RHBDD1: variants seen among roughly 807,000 people sequenced by gnomAD.
The protein encoded by RHBDD1 is rhomboid-related protein 4.
RHBDD1 carries 38 observed loss-of-function variants against 36.3 expected under a neutral mutation model. That is an observed-to-expected ratio of 1.05 (90% CI 0.81 to 1.37). The LOEUF (loss-of-function observed/expected upper bound fraction) is 1.37. Ranked by LOEUF, RHBDD1 falls within the 40% of genes most tolerant of loss-of-function variation. The pLI is 0.00. For synonymous variants in RHBDD1, 151 were observed against 136.5 expected, an observed-to-expected ratio of 1.11 and a Z score of -0.74; for missense variants, 393 against 377.6, an observed-to-expected ratio of 1.04 and a Z score of -0.34.
intron 8 of RHBDD1, among the ~76,000 whole-genome samples, chr2:226,987,459 T>A (rs1380597506): frequency 1.3e-5 from 2 of 152,210 alleles, no homozygotes; most frequent in African/African-American, 4.8e-5. Context: ...CATGAGCAGC[T>A]AGCTGGTAGG....
intron 4 of RHBDD1, 71 bp from the exon 5 acceptor site, chr2:226,867,115 A>G (rs1944407261): frequency 2.1e-6 from 3 of 1,410,594 alleles, no homozygotes; most frequent in African/African-American, 1.4e-5. Context: ...CTTTTAATTA[A>G]CTTTCTTTGT....
chr2:226,967,344 G>A (rs1235796309), intron 8 of RHBDD1, among the ~76,000 whole-genome samples: 2 of 152,122 alleles, frequency 1.3e-5, no homozygotes, highest in Admixed American at 6.5e-5. Context: ...ATATAAATCA[G>A]CCTGAATAAA....
intron 3 of RHBDD1, among the ~76,000 whole-genome samples, chr2:226,861,083 T>C (rs1163199617): frequency 2.0e-5 from 3 of 152,220 alleles, no homozygotes; most frequent in Non-Finnish European, 4.4e-5. Flanking sequence ...GAAAGGATAA[T>C]TCAGTTTTCA....
intron 5 of RHBDD1, among the ~76,000 whole-genome samples, chr2:226,895,306 C>G (rs1002840952): frequency 6.6e-6 from 1 of 152,176 alleles, no homozygotes; most frequent in African/African-American, 2.4e-5. Context: ...CCTTTCTGAG[C>G]TCTCCTGCTG....
At chr2:226,963,308 A>C (rs961068936) in intron 8 of RHBDD1, among the ~76,000 whole-genome samples, 1 of 152,218 alleles carries the variant, frequency 6.6e-6, no homozygotes, top group African/African-American at 2.4e-5. Context: ...ATTTGGAATG[A>C]TATTCCTTGA....
chr2:226,934,170 A>G (rs2149116029), intron 8 of RHBDD1, among the ~76,000 whole-genome samples: 1 of 152,258 alleles, frequency 6.6e-6, no homozygotes, highest in South Asian at 2.1e-4. Flanking sequence ...CTATATTTTT[A>G]TTATACCTTT....
intron 5 of RHBDD1, among the ~76,000 whole-genome samples, chr2:226,887,716 GT>G (rs1191090569): frequency 6.6e-6 from 1 of 152,182 alleles, no homozygotes; most frequent in Non-Finnish European, 1.5e-5. Context: ...GTGTATGTGT[GT>G]TTTTCAAATG....
At chr2:226,921,615 T>C (rs1949321672) in intron 8 of RHBDD1, among the ~76,000 whole-genome samples, 1 of 152,198 alleles carries the variant, frequency 6.6e-6, no homozygotes. Context: ...GAACATATTG[T>C]TCAATTTCCA....
intron 5 of RHBDD1, 178 bp downstream of exon 5, chr2:226,867,496 A>T: frequency 1.2e-6 from 1 of 840,180 alleles, no homozygotes; most frequent in South Asian, 5.5e-5. Context: ...AATCTTTTCA[A>T]CTATTAAGCT....
At chr2:226,917,075 G>A (rs963004986) in intron 8 of RHBDD1, among the ~76,000 whole-genome samples, 2 of 151,872 alleles carry the variant, frequency 1.3e-5, no homozygotes, top group African/African-American at 4.8e-5. Flanking sequence ...TTTTTGAGAT[G>A]TTTCCTTAAT....
chr2:226,977,076 A>C (rs4675132), intron 8 of RHBDD1, among the ~76,000 whole-genome samples: 75,233 of 151,968 alleles, frequency 0.5, 19,537 homozygotes, highest in African/African-American at 0.66. Context: ...CACTGCTCTC[A>C]TGAATGCCTG....
chr2:226,836,237 G>A (rs1940939796), intron 1 of RHBDD1, 150 bp downstream of exon 1: 1 of 152,676 alleles, frequency 6.5e-6, no homozygotes, highest in African/African-American at 2.4e-5. Flanking sequence ...AGGGAGGCAT[G>A]GCGGGGCTGG....
chr2:226,823,273 C>T, the RHBDD1 span, among the ~76,000 whole-genome samples: 1 of 152,210 alleles, frequency 6.6e-6, no homozygotes, highest in Non-Finnish European at 1.5e-5. Flanking sequence ...TTCTCAGCTT[C>T]CAGAACCATG....
At chr2:226,961,031 T>C (rs1316547646) in intron 8 of RHBDD1, among the ~76,000 whole-genome samples, 2 of 152,182 alleles carry the variant, frequency 1.3e-5, no homozygotes, top group East Asian at 1.9e-4. Flanking sequence ...TTTAAATATA[T>C]GTAAAGCGTA....
At chr2:226,951,730 A>G (rs1951437068) in intron 8 of RHBDD1, among the ~76,000 whole-genome samples, 1 of 152,216 alleles carries the variant, frequency 6.6e-6, no homozygotes, top group Non-Finnish European at 1.5e-5. Context: ...GAATAAATAA[A>G]GGAGAGTGAA....
intron 3 of RHBDD1, among the ~76,000 whole-genome samples, chr2:226,844,266 A>AT (rs1941977462): frequency 6.6e-6 from 1 of 152,182 alleles, no homozygotes; most frequent in Non-Finnish European, 1.5e-5. Flanking sequence ...GGCACCCTTG[A>AT]TTGATAGCTG....
intron 8 of RHBDD1, among the ~76,000 whole-genome samples, chr2:226,932,087 G>A (rs928804671): frequency 2.6e-5 from 4 of 152,058 alleles, no homozygotes; most frequent in Admixed American, 1.3e-4. Context: ...TTTTTTGTAG[G>A]ATGAGGTTTG....
chr2:226,893,599 C>T (rs955868595), intron 5 of RHBDD1, among the ~76,000 whole-genome samples: 5 of 152,118 alleles, frequency 3.3e-5, no homozygotes, highest in Non-Finnish European at 5.9e-5. Context: ...GAAATAGTTT[C>T]GAAGCCTCAT....
intron 8 of RHBDD1, among the ~76,000 whole-genome samples, chr2:226,983,014 T>C (rs1464122278): frequency 7.9e-5 from 12 of 152,234 alleles, no homozygotes; most frequent in Admixed American, 7.9e-4. Context: ...CTACCAGTCT[T>C]TGACTCATAG....
Sources: allele counts gnomAD v4.1 joint callset (sites outside exome capture counted in the v4.1 genomes callset), GRCh38; gene constraint gnomAD v4.1.1; transcripts MANE v1.5; gene names NCBI Gene and HGNC (gene_info 2026-07-23, HGNC 2026-07-21).